MALRD1: variants seen among roughly 807,000 people sequenced by gnomAD.
The protein encoded by MALRD1 is MAM and LDL-receptor class A domain-containing protein 1.
MALRD1 carries 247 observed loss-of-function variants against 242.1 expected under a neutral mutation model. The ratio of observed to expected loss-of-function variants is 1.02; its 90% CI spans 0.92 to 1.13. The LOEUF (loss-of-function observed/expected upper bound fraction) is 1.13, where lower values mean the gene tolerates loss of function less well. Among genes scored for constraint, MALRD1 ranks in the 50% most tolerant of loss-of-function variants. MALRD1 has a pLI of 0.00. For missense variants in MALRD1, 2,989 were observed against 2,533.1 expected, an observed-to-expected ratio of 1.18 and a Z score of -3.86; for synonymous variants, 995 against 866.6, an observed-to-expected ratio of 1.15 and a Z score of -2.60.
Position 19,058,078 on chromosome 10 carries a change from G to A in MALRD1, c.200-8641G>A, listed in dbSNP as rs371051869. 5.3e-5 allele frequency among the ~76,000 whole-genome samples: 8 copies of A among 152,192 alleles called. No homozygotes were observed. The East Asian group carries it at 5.8e-4, about 11-fold the overall frequency. On this transcript the variant is annotated intron_variant, in intron 1 of 39. Coordinates refer to ENST00000454679, the MANE Select transcript of MALRD1 (RefSeq NM_001142308.3). ...TTAAATAATCTCCATCCAGTGTCTC[G>A]TTTAATTTTTACCAAACACAAACAT...
intron 32 of MALRD1, among the ~76,000 whole-genome samples, chr10:19,534,299 T>C (rs1413012466): frequency 6.6e-6 from 1 of 152,220 alleles, no homozygotes. Context: ...TCTTGAGTTA[T>C]TCACAGATGA....
At chr10:19,537,085 T>C (rs1834720631) in intron 32 of MALRD1, among the ~76,000 whole-genome samples, 1 of 152,122 alleles carries the variant, frequency 6.6e-6, no homozygotes, top group Admixed American at 6.6e-5. Flanking sequence ...TGGAACAACA[T>C]AGACAAGAGG....
chr10:19,316,348 C>A (rs1442816098), intron 21 of MALRD1, among the ~76,000 whole-genome samples: 1 of 151,810 alleles, frequency 6.6e-6, no homozygotes, highest in Non-Finnish European at 1.5e-5. Context: ...ACAAGACTTT[C>A]TTGGTTTCTT....
chr10:19,567,482 T>C lies in MALRD1; in HGVS notation c.5479-20T>C. 6.5e-7 allele frequency: 1 copy of C among 1,541,372 alleles called. No homozygotes were observed. On this transcript the variant is annotated intron_variant, in intron 32 of 39. Coordinates refer to ENST00000454679, the MANE Select transcript of MALRD1 (RefSeq NM_001142308.3). Reference sequence around the variant, plus strand: ...TCTAATATCCAATCATAAAAAGTTATTTTTTAATGATTTTTAAAGGTGTAT... The same window carrying C: ...TCTAATATCCAATCATAAAAAGTTACTTTTTAATGATTTTTAAAGGTGTAT...
At chr10:19,197,913 A>G (rs1412725180) in intron 14 of MALRD1, among the ~76,000 whole-genome samples, 1 of 152,214 alleles carries the variant, frequency 6.6e-6, no homozygotes, top group Admixed American at 6.5e-5. Flanking sequence ...GCAGACATAT[A>G]GCATGTATTT....
chr10:19,317,325 A>T (rs201817643), intron 21 of MALRD1, among the ~76,000 whole-genome samples: 1 of 151,886 alleles, frequency 6.6e-6, no homozygotes, highest in Non-Finnish European at 1.5e-5. Context: ...TTCTAAGGAA[A>T]GTAATCCCAA....
chr10:19,056,608 A>G (rs934552428), intron 1 of MALRD1, among the ~76,000 whole-genome samples: 1 of 152,108 alleles, frequency 6.6e-6, no homozygotes, highest in Non-Finnish European at 1.5e-5. Flanking sequence ...GTTTCTACAT[A>G]TAAGATTATG....
At chr10:19,538,746 T>G (rs1589216718) in intron 32 of MALRD1, among the ~76,000 whole-genome samples, 1 of 152,110 alleles carries the variant, frequency 6.6e-6, no homozygotes, top group East Asian at 1.9e-4. Context: ...CAATTTATAC[T>G]TTTCGTAATA....
chr10:19,127,847 T>TG (rs35924418), intron 7 of MALRD1, among the ~76,000 whole-genome samples: 19,719 of 152,046 alleles, frequency 0.13, 1,626 homozygotes, highest in Admixed American at 0.23. Flanking sequence ...GCAAGAATTC[T>TG]GGAAGGATGA....
At chr10:19,594,739 A>G (rs78139692) in intron 33 of MALRD1, among the ~76,000 whole-genome samples, 2 of 152,308 alleles carry the variant, frequency 1.3e-5, no homozygotes, top group East Asian at 3.9e-4. Flanking sequence ...AGGAATGGAA[A>G]ACTAAATATT....
intron 33 of MALRD1, among the ~76,000 whole-genome samples, chr10:19,582,433 C>G (rs1163983618): frequency 2.1e-5 from 3 of 145,306 alleles, no homozygotes; most frequent in East Asian, 2.1e-4. Flanking sequence ...TTTCAGCTTT[C>G]TACATATGGC....
intron 1 of MALRD1, among the ~76,000 whole-genome samples, chr10:19,063,297 A>T (rs1834877311): frequency 6.6e-6 from 1 of 152,176 alleles, no homozygotes; most frequent in Non-Finnish European, 1.5e-5. Context: ...AAAATTTTGA[A>T]ATAAGTGTGG....
intron 38 of MALRD1, among the ~76,000 whole-genome samples, chr10:19,714,935 A>G (rs555094815): frequency 6.6e-6 from 1 of 152,290 alleles, no homozygotes; most frequent in South Asian, 2.1e-4. Flanking sequence ...GGGAAATCCA[A>G]CTACATGGGT....
At chr10:19,577,298 G>A (rs954689201) in intron 33 of MALRD1, among the ~76,000 whole-genome samples, 5 of 152,162 alleles carry the variant, frequency 3.3e-5, no homozygotes, top group African/African-American at 1.2e-4. Flanking sequence ...TGTGGGTCAT[G>A]AAGTCCTTAC....
intron 31 of MALRD1, among the ~76,000 whole-genome samples, chr10:19,517,495 G>A (rs187882887): frequency 9.7e-4 from 148 of 152,198 alleles, no homozygotes; most frequent in African/African-American, 3.3e-3. Flanking sequence ...GAGTTTTCTC[G>A]CTGTAGCCAA....
chr10:19,051,031 C>A (rs541427883), intron 1 of MALRD1, among the ~76,000 whole-genome samples: 2 of 152,272 alleles, frequency 1.3e-5, no homozygotes, highest in South Asian at 2.1e-4. Flanking sequence ...GGAGAGGTCA[C>A]CTTTTGGACT....
At chr10:19,450,192 T>G in intron 28 of MALRD1, 115 bp from the exon 29 acceptor site, 1 of 911,144 alleles carries the variant, frequency 1.1e-6, no homozygotes, top group South Asian at 2.0e-5. Context: ...CTTCTTTGTT[T>G]TTTCAGTTTT....
chr10:19,228,969 G>A (rs1435325596), intron 18 of MALRD1, among the ~76,000 whole-genome samples: 1 of 126,740 alleles, frequency 7.9e-6, no homozygotes, highest in Admixed American at 8.4e-5. Flanking sequence ...GGCCTGTATG[G>A]GGAATGCATG....
At chr10:19,318,760 C>A (rs1842805804) in intron 21 of MALRD1, among the ~76,000 whole-genome samples, 1 of 151,998 alleles carries the variant, frequency 6.6e-6, no homozygotes, top group East Asian at 1.9e-4. Context: ...CTGTCATACC[C>A]TTATATTTTT....
Sources: allele counts gnomAD v4.1 joint callset (sites outside exome capture counted in the v4.1 genomes callset), GRCh38; gene constraint gnomAD v4.1.1; transcripts MANE v1.5; gene names NCBI Gene and HGNC (gene_info 2026-07-23, HGNC 2026-07-21).